Variants in OPRM1 observed in about 807,000 individuals in gnomAD.
OPRM1 encodes the protein opioid receptor mu 1, also known as mu-type opioid receptor.
Under a neutral mutation model 31.8 loss-of-function variants are expected in OPRM1, and 27 were observed. The ratio of observed to expected loss-of-function variants is 0.85; its 90% CI spans 0.63 to 1.17. OPRM1 has a LOEUF of 1.17. OPRM1 is among the 50% of genes most tolerant of loss of function. The probability of loss-of-function intolerance (pLI) is 0.00; values close to 1 mark genes in which losing one functional copy is unlikely to be tolerated. For missense variants in OPRM1, 536 were observed against 511.1 expected, an observed-to-expected ratio of 1.05 and a Z score of -0.47; for synonymous variants, 196 against 189.9, an observed-to-expected ratio of 1.03 and a Z score of -0.26.
chr6:154,024,417 G>A (rs1335721003), intron 1 of OPRM1, among the ~76,000 whole-genome samples: 1 of 151,452 alleles, frequency 6.6e-6, no homozygotes, highest in African/African-American at 2.4e-5. Context: ...TATTTTTTTG[G>A]ATCTTCCCTC....
At chr6:154,047,598 G>A (rs556501895) in intron 1 of OPRM1, among the ~76,000 whole-genome samples, 52 of 152,158 alleles carry the variant, frequency 3.4e-4, no homozygotes, top group Non-Finnish European at 5.1e-4. Flanking sequence ...GTGAACTTTC[G>A]TAAACCAATG....
intron 3 of OPRM1, chr6:154,217,621 G>A (rs1056499533): frequency 6.6e-5 from 10 of 152,076 alleles, no homozygotes; most frequent in Admixed American, 1.3e-4. Context: ...TGTCTGACAC[G>A]AATACGTTTT....
intron 3 of OPRM1, among the ~76,000 whole-genome samples, chr6:154,116,856 C>T (rs1350588602): frequency 6.6e-6 from 1 of 152,092 alleles, no homozygotes; most frequent in Non-Finnish European, 1.5e-5. Context: ...ATCCAAGCAC[C>T]CCTGGACTTC....
intron 1 of OPRM1, among the ~76,000 whole-genome samples, chr6:154,024,648 G>GTT (rs60673575): frequency 2.2e-5 from 3 of 138,378 alleles, no homozygotes; most frequent in Non-Finnish European, 1.6e-5. Context: ...CTTATTTGAA[G>GTT]TTTTTTTTTT....
intron 3 of OPRM1, among the ~76,000 whole-genome samples, chr6:154,113,609 G>T (rs1258997960): frequency 6.6e-6 from 1 of 152,164 alleles, no homozygotes; most frequent in African/African-American, 2.4e-5. Context: ...ATCAGTATGA[G>T]CTGTCTGAGT....
chr6:154,081,022 G>A (rs907175302), intron 1 of OPRM1, among the ~76,000 whole-genome samples: 1 of 152,098 alleles, frequency 6.6e-6, no homozygotes, highest in Admixed American at 6.5e-5. Flanking sequence ...TTCTCATTGT[G>A]GTGGTGGTGG....
At chr6:154,053,314 A>G (rs1053248771) in intron 1 of OPRM1, among the ~76,000 whole-genome samples, 4 of 152,238 alleles carry the variant, frequency 2.6e-5, no homozygotes, top group Non-Finnish European at 1.5e-5. Flanking sequence ...CTTCCAAGAT[A>G]CCTATGCCTG....
chr6:154,090,914 G>T, intron 2 of OPRM1, 38 bp from the exon 3 acceptor site: 3 of 1,574,510 alleles, frequency 1.9e-6, no homozygotes, highest in Non-Finnish European at 2.6e-6. Flanking sequence ...ATAATTAAAT[G>T]TTGCTGCTAA....
At chr6:154,105,689 T>C (rs570635681) in intron 3 of OPRM1, among the ~76,000 whole-genome samples, 12 of 152,328 alleles carry the variant, frequency 7.9e-5, no homozygotes, top group African/African-American at 2.4e-4. Flanking sequence ...TAACATACAC[T>C]AAGTCATATT....
chr6:154,026,726 T>A (rs1286137938), intron 1 of OPRM1, among the ~76,000 whole-genome samples: 2 of 152,202 alleles, frequency 1.3e-5, no homozygotes, highest in African/African-American at 4.8e-5. Context: ...ATCAATTCTG[T>A]TATTAAAAGA....
At chr6:154,160,878 G>A (rs1419041466) in intron 3 of OPRM1, among the ~76,000 whole-genome samples, 1 of 152,228 alleles carries the variant, frequency 6.6e-6, no homozygotes, top group East Asian at 1.9e-4. Flanking sequence ...CCTCCTGAGC[G>A]AGACCACTGC....
chr6:154,118,675 C>T lies in OPRM1; in HGVS notation c.1165-8C>T. On this transcript the variant is annotated splice_region_variant and splice_polypyrimidine_tract_variant and intron_variant, in intron 3 of 3. Transcript: ENST00000330432. ...TGTTCACTGTCTTTGCTCTTTCTCT[C>T]CTTTCAGCTAGAAAATCTGGAAGCA... is the stretch of plus-strand genomic sequence containing the variant. The T allele has an allele frequency of 6.2e-7, 1 of 1,613,088 alleles. No homozygotes were observed. Among genetic ancestry groups the T allele is most frequent in the Non-Finnish European group, 8.5e-7 (1 of 1,179,418 alleles).
At chr6:154,214,174 C>T in intron 3 of OPRM1, 1 of 1,246,856 alleles carries the variant, frequency 8.0e-7, no homozygotes, top group African/African-American at 1.5e-5. Flanking sequence ...TCAACCTGTT[C>T]TAATATTCTT....
chr6:154,097,556 C>T (rs1011667643), intron 3 of OPRM1, among the ~76,000 whole-genome samples: 36 of 151,184 alleles, frequency 2.4e-4, no homozygotes, highest in African/African-American at 8.3e-4. Context: ...GCTATTCTTT[C>T]AGTTCTACAG....
chr6:154,142,095 T>C (rs1258108120), intron 3 of OPRM1, among the ~76,000 whole-genome samples: 2 of 125,212 alleles, frequency 1.6e-5, no homozygotes, highest in Non-Finnish European at 3.5e-5. Context: ...GCTCTGGACC[T>C]GTAATCTGTC....
At chr6:154,207,512 A>G (rs993150497) in intron 3 of OPRM1, among the ~76,000 whole-genome samples, 3 of 152,122 alleles carry the variant, frequency 2.0e-5, no homozygotes, top group Non-Finnish European at 2.9e-5. Context: ...ATTAAATGTG[A>G]ATTTCCAAAA....
At chr6:154,066,050 G>A (rs1000617265) in intron 1 of OPRM1, among the ~76,000 whole-genome samples, 1 of 152,076 alleles carries the variant, frequency 6.6e-6, no homozygotes, top group African/African-American at 2.4e-5. Context: ...TCTTCGTTCT[G>A]TTAATCTGAT....
chr6:154,104,179 A>C (rs1389834599), intron 3 of OPRM1, among the ~76,000 whole-genome samples: 1 of 152,208 alleles, frequency 6.6e-6, no homozygotes, highest in Non-Finnish European at 1.5e-5. Flanking sequence ...GGTAGAGAGA[A>C]GCTCAGTCAG....
At chr6:154,160,848 C>T (rs1282679501) in intron 3 of OPRM1, among the ~76,000 whole-genome samples, 7 of 152,188 alleles carry the variant, frequency 4.6e-5, no homozygotes, top group Admixed American at 2.0e-4. Flanking sequence ...CAATATATCA[C>T]GTTTGATCTG....
Sources: allele counts gnomAD v4.1 joint callset (sites outside exome capture counted in the v4.1 genomes callset), GRCh38; gene constraint gnomAD v4.1.1; transcripts MANE v1.5; gene names NCBI Gene and HGNC (gene_info 2026-07-23, HGNC 2026-07-21).